Variants in ATP11B observed in about 807,000 individuals in gnomAD.
ATP11B encodes ATPase phospholipid transporting 11B (putative), also known as phospholipid-transporting ATPase IF.
In ATP11B, 81 loss-of-function variants were observed where a neutral mutation model predicts 157.8. The ratio of observed to expected loss-of-function variants is 0.51; its 90% confidence interval spans 0.43 to 0.62. ATP11B has a LOEUF of 0.62. Among genes scored for constraint, ATP11B ranks in the 20% least tolerant of loss-of-function variants. The pLI is 0.00. For synonymous variants in ATP11B, 451 were observed against 469.4 expected, an observed-to-expected ratio of 0.96 and a Z score of 0.51; for missense variants, 1,165 against 1,402.2, an observed-to-expected ratio of 0.83 and a Z score of 2.70.
intron 1 of ATP11B, among the ~76,000 whole-genome samples, chr3:182,802,679 T>A (rs1420450204): frequency 2.6e-5 from 4 of 152,168 alleles, no homozygotes; most frequent in African/African-American, 9.7e-5. Context: ...AGTATAATGT[T>A]CTGACCCTCC....
chr3:182,808,470 T>TA (rs1716462037), intron 1 of ATP11B, among the ~76,000 whole-genome samples: 1 of 152,112 alleles, frequency 6.6e-6, no homozygotes, highest in Non-Finnish European at 1.5e-5. Context: ...ATTTTTTTTT[T>TA]AAAGAGGGAA....
At chr3:182,907,024 C>T (rs1408104613) in intron 28 of ATP11B, among the ~76,000 whole-genome samples, 5 of 150,534 alleles carry the variant, frequency 3.3e-5, no homozygotes, top group Non-Finnish European at 5.9e-5. Context: ...ACCTGGGAGG[C>T]GGAGCTTGCA....
intron 1 of ATP11B, among the ~76,000 whole-genome samples, chr3:182,800,162 A>G (rs981226936): frequency 9.2e-5 from 14 of 152,198 alleles, no homozygotes; most frequent in Non-Finnish European, 1.9e-4. Flanking sequence ...TTGATTGGAT[A>G]TTTATATGGG....
chr3:182,867,380 G>C lies in ATP11B; in HGVS notation c.1624G>C (p.Gly542Arg), dbSNP rs905398824. 6.3e-7 allele frequency: 1 copy of C among 1,599,188 alleles called. No individual in the cohort carries two copies. Among genetic ancestry groups the C allele is most frequent in the African/African-American group, 1.3e-5 (1 of 74,478 alleles). ...KALVEAAARI[G>R]IVFIGNSEET... is the part of the protein sequence containing the mutation. ...TTTTATCCTTTTGATGTCTAGGATT[G>C]GTATTGTGTTTATTGGCAATTCTGA... The change falls in exon 15 of 30, where the codon GGT (glycine) becomes CGT (arginine). Residue 542 changes from glycine to arginine, a missense_variant. Around this residue, in one of 4 missense-constraint regions of ATP11B, gnomAD observed 737 missense variants for 930.5 expected, o/e 0.79. Transcript: ENST00000323116.
rs1218379368 is a variant in ATP11B at position 182,859,934 on chromosome 3, TC to T, written c.1200+577del. Among the ~76,000 whole-genome samples, 6 of 138,762 alleles carry T rather than the reference TC, an allele frequency of 4.3e-5. No individual in the cohort carries two copies. In the East Asian group the frequency reaches 1.2e-3, roughly 28 times the overall value. The allele number at this position is 138,762 out of a possible 152,430, so 91.0% of individuals were successfully genotyped here. A position where few individuals can be genotyped will look rare whatever the true frequency, so the allele number is the denominator to read the frequency against. ...CCAGGTAATCTAGAAGTTCCTTTCT[TC>T]CTCCCTGCCTTCCTTTTTTTTTTTT... is the stretch of plus-strand genomic sequence containing the variant. On this transcript the variant is annotated intron_variant, in intron 12 of 29. Coordinates refer to ENST00000323116, the MANE Select transcript of ATP11B (RefSeq NM_014616.3).
intron 18 of ATP11B, among the ~76,000 whole-genome samples, chr3:182,873,140 TCTC>T (rs1721787004): frequency 1.3e-5 from 2 of 152,218 alleles, no homozygotes; most frequent in South Asian, 2.1e-4. Context: ...TTTAAAGACT[TCTC>T]CTCTGTTAAC....
intron 20 of ATP11B, 34 bp from the exon 21 acceptor site, chr3:182,880,845 G>A: frequency 7.2e-7 from 1 of 1,397,104 alleles, no homozygotes; most frequent in South Asian, 1.4e-5. Flanking sequence ...AATTGAACTT[G>A]CGTCATAAAT....
intron 25 of ATP11B, 140 bp from the exon 26 acceptor site, chr3:182,896,560 C>T (rs1723561432): frequency 9.0e-6 from 6 of 667,956 alleles, no homozygotes; most frequent in Non-Finnish European, 1.6e-5. Flanking sequence ...ATACTTTTAA[C>T]TTTATGAGTA....
chr3:182,836,776 G>A (rs1043865519), intron 6 of ATP11B, among the ~76,000 whole-genome samples: 1 of 152,030 alleles, frequency 6.6e-6, no homozygotes, highest in South Asian at 2.1e-4. Flanking sequence ...TTTTCAGAGG[G>A]TAATCAAAGG....
At chr3:182,867,139 G>T (rs973401281) in intron 14 of ATP11B, among the ~76,000 whole-genome samples, 1 of 151,554 alleles carries the variant, frequency 6.6e-6, no homozygotes, top group Non-Finnish European at 1.5e-5. Context: ...ATGTTAGCCA[G>T]ACTGGTCTTG....
At chr3:182,890,136 G>T (rs1723078639) in intron 25 of ATP11B, among the ~76,000 whole-genome samples, 1 of 152,174 alleles carries the variant, frequency 6.6e-6, no homozygotes, top group Non-Finnish European at 1.5e-5. Flanking sequence ...ATTTTAAACA[G>T]TACACTGTTA....
chr3:182,873,873 G>A lies in ATP11B; in HGVS notation c.2110G>A (p.Val704Ile). The change falls in exon 19 of 30, where the codon GTA (valine) becomes ATA (isoleucine). Residue 704 changes from valine (V) to isoleucine (I), a missense_variant. Val to Ile is a conservative substitution (Grantham distance 29, BLOSUM62 3). Around this residue, in one of 4 missense-constraint regions of ATP11B, gnomAD observed 737 missense variants for 930.5 expected, o/e 0.79. Coordinates refer to ENST00000323116, the MANE Select transcript of ATP11B (RefSeq NM_014616.3). ...ALRMAGIKVWVLTGDKHETAV... is the reference protein window; with the variant it reads ...ALRMAGIKVWILTGDKHETAV... ...GAGAATGGCTGGTATCAAAGTATGGGTACTTACTGGGGATAAACATGAAAC... is the reference window on the plus strand; with the variant it reads ...GAGAATGGCTGGTATCAAAGTATGGATACTTACTGGGGATAAACATGAAAC... 3 of 1,614,096 alleles carry A rather than the reference G, an allele frequency of 1.9e-6. No homozygotes were observed. Among genetic ancestry groups the A allele is most frequent in the South Asian group, 1.1e-5 (1 of 91,086 alleles).
intron 28 of ATP11B, among the ~76,000 whole-genome samples, chr3:182,909,325 A>C (rs967167881): frequency 2.6e-5 from 4 of 152,222 alleles, no homozygotes; most frequent in African/African-American, 9.6e-5. Flanking sequence ...TTTGCTTGAC[A>C]GCCTTTCTAG....
chr3:182,898,111 A>G (rs1452041431), intron 27 of ATP11B, among the ~76,000 whole-genome samples: 2 of 152,112 alleles, frequency 1.3e-5, no homozygotes, highest in East Asian at 1.9e-4. Flanking sequence ...GAATATTTCT[A>G]TATTTCACCA....
At chr3:182,893,947 A>G (rs552366035) in intron 25 of ATP11B, among the ~76,000 whole-genome samples, 1 of 152,106 alleles carries the variant, frequency 6.6e-6, no homozygotes, top group African/African-American at 2.4e-5. Context: ...GATGTTGAGT[A>G]TTTTCTCATG....
In ATP11B at chr3:182,915,715, A is replaced by G. The variant is rs183001008; in HGVS notation, c.3452+1721A>G. The G allele has an allele frequency of 1.2e-3, 1,194 of 984,962 alleles. 3 individuals are homozygous for G. The highest frequency in any genetic ancestry group is 7.3e-3 in the Middle Eastern group (14 of 1,914). The allele number at this position is 984,962 out of a possible 1,614,324, so 61.0% of individuals were successfully genotyped here. ...ATATCGATTATGGTAATATGCCCCC[A>G]TTATTCTTTACATAGCCATTTTGAT... On this transcript the variant is annotated intron_variant, in intron 29 of 29. Transcript: ENST00000323116.
intron 25 of ATP11B, among the ~76,000 whole-genome samples, chr3:182,894,007 T>A (rs1187677472): frequency 1.3e-5 from 2 of 152,190 alleles, no homozygotes; most frequent in African/African-American, 2.4e-5. Context: ...ATTCATGTCC[T>A]TAGGCCACTT....
chr3:182,807,767 G>A (rs1309514155), intron 1 of ATP11B, among the ~76,000 whole-genome samples: 1 of 152,042 alleles, frequency 6.6e-6, no homozygotes, highest in Admixed American at 6.6e-5. Context: ...AGTCAAAATT[G>A]TACTTATTCT....
intron 1 of ATP11B, among the ~76,000 whole-genome samples, chr3:182,796,050 T>G (rs1310530908): frequency 6.6e-6 from 1 of 152,194 alleles, no homozygotes; most frequent in African/African-American, 2.4e-5. Flanking sequence ...AAACAATGCC[T>G]ATGTTCTAGT....
Sources: gnomAD v4.1 joint callset for allele counts (sites outside exome capture counted in the v4.1 genomes callset) on GRCh38, gnomAD v4.1.1 for gene constraint, gnomAD v4.1.1 regional missense constraint, MANE v1.5 for transcripts, NCBI Gene and HGNC (gene_info 2026-07-23, HGNC 2026-07-21) for gene names.